The following CAPN15 variants were observed in gnomAD, a reference collection of about 807,000 sequenced individuals.
CAPN15 encodes the protein calpain 15, also known as calpain-15.
Under a neutral mutation model 97.9 loss-of-function variants are expected in CAPN15, and 53 were observed. The observed-to-expected ratio is 0.54, with a 90% CI of 0.43 to 0.68. CAPN15 has a LOEUF of 0.68. Among genes scored for constraint, CAPN15 ranks in the 30% least tolerant of loss-of-function variants. The probability of loss-of-function intolerance (pLI) is 0.00; values close to 1 mark genes in which losing one functional copy is unlikely to be tolerated. For synonymous variants in CAPN15, 922 were observed against 722.5 expected, an observed-to-expected ratio of 1.28 and a Z score of -4.43; for missense variants, 1,592 against 1,589.8, an observed-to-expected ratio of 1.00 and a Z score of -0.02.
In CAPN15 at chr16:551,832, T is replaced by C. The variant is rs570129489; in HGVS notation, c.2345+168T>C. 1.7e-4 allele frequency: 170 copies of C among 1,024,254 alleles called. No individual in the cohort carries two copies. In the African/African-American group the frequency reaches 2.1e-3, roughly 13 times the overall value. The allele number at this position is 1,024,254 out of a possible 1,614,324, so 63.4% of individuals were successfully genotyped here. A position where few individuals can be genotyped will look rare whatever the true frequency, so the allele number is the denominator to read the frequency against. On this transcript the variant is annotated intron_variant, in intron 9 of 13. Coordinates refer to ENST00000219611, the MANE Select transcript of CAPN15 (RefSeq NM_005632.3). ...CAAGGTGCCAACCTCAGAATTCAGG[T>C]CCACCCAGGTCAGCAGATTCCAGCG...
chr16:545,840 G>A (rs2034546176), intron 3 of CAPN15, among the ~76,000 whole-genome samples: 1 of 152,218 alleles, frequency 6.6e-6, no homozygotes, highest in African/African-American at 2.4e-5. Context: ...ACCCACAGGG[G>A]CCCAGGCCGG....
chr16:549,917 G>A lies in CAPN15; in HGVS notation c.2066+79G>A, dbSNP rs183167644. The A allele has an allele frequency of 1.9e-4, 231 of 1,220,980 alleles. 2 individuals are homozygous for A. The East Asian group carries it at 5.1e-3, about 27-fold the overall frequency. The allele number at this position is 1,220,980 out of a possible 1,614,324, so 75.6% of individuals were successfully genotyped here. ...AGCGGTGGGAGATGTGGGGCTGGTGGCCCCTGACCCAGTTCTGCTTCCACG... is the reference window on the plus strand; with the variant it reads ...AGCGGTGGGAGATGTGGGGCTGGTGACCCCTGACCCAGTTCTGCTTCCACG... On this transcript the variant is annotated intron_variant, in intron 7 of 13. Transcript: ENST00000219611.
At chr16:549,235 TGGGCGGG>T in intron 5 of CAPN15, 34 bp downstream of exon 5, 1 of 53,106 alleles carries the variant, frequency 1.9e-5, no homozygotes, top group South Asian at 1.5e-4. Context: ...GTGGGGCGGG[TGGGCGGG>T]CGACCGGCCG....
At chr16:542,916 T>C (rs913024122) in intron 3 of CAPN15, among the ~76,000 whole-genome samples, 28 of 152,152 alleles carry the variant, frequency 1.8e-4, no homozygotes, top group Non-Finnish European at 3.2e-4. Context: ...CTGGGCGTGG[T>C]GACGGGCACC....
chr16:552,182 T>C lies in CAPN15; in HGVS notation c.2477T>C (p.Leu826Pro), dbSNP rs1467668489. The stretch of plus-strand genomic sequence containing the variant: ...CTCACGGTGCTGGAGCGGGCCTCGC[T>C]GGAGTTCGCGCTCTTCCAGGAGGGC... ...TALTVLERAS[L>P]EFALFQEGSR... The change falls in exon 10 of 14, where the codon CTG (leucine) becomes CCG (proline). Residue 826 changes from leucine (L) to proline (P), a missense_variant. By Grantham distance (98) the Leu-to-Pro change is moderately conservative. Coordinates refer to ENST00000219611, the MANE Select transcript of CAPN15 (RefSeq NM_005632.3). This position sits in a 1 kb window ranked among gnomAD's most constrained non-coding sequence, Gnocchi z 6.4. The C allele has an allele frequency of 3.9e-6, 6 of 1,538,268 alleles. No individual in the cohort carries two copies. Among genetic ancestry groups the C allele is most frequent in the Non-Finnish European group, 5.3e-6 (6 of 1,140,376 alleles).
At chr16:533,003 C>T (rs2033384416) in intron 1 of CAPN15, among the ~76,000 whole-genome samples, 1 of 152,106 alleles carries the variant, frequency 6.6e-6, no homozygotes, top group Non-Finnish European at 1.5e-5. Context: ...GGTGGATCAC[C>T]TGAGGTCTGG....
chr16:549,827 T>C lies in CAPN15; in HGVS notation c.2055T>C (p.Ser685=). 1 of 1,580,876 alleles carries C rather than the reference T, an allele frequency of 6.3e-7. No homozygotes were observed. ...TDLIWAKMLS[S]KEAGFLMGAS... The stretch of plus-strand genomic sequence containing the variant: ...TCATCTGGGCCAAAATGCTGAGTTC[T>C]AAGGAGGCTGGGTAAGAGGAGGGGC... Residue 685 remains serine, a synonymous_variant, in exon 7 of 14, where the codon TCT becomes TCC. Transcript: ENST00000219611.
Position 549,596 on chromosome 16 carries a change from C to T in CAPN15, c.1843-19C>T, listed in dbSNP as rs1015688187. 6.6e-7 allele frequency: 1 copy of T among 1,526,504 alleles called. No homozygotes were observed. Among genetic ancestry groups the T allele is most frequent in the African/African-American group, 1.4e-5 (1 of 72,856 alleles). 94.6% of individuals were successfully genotyped at this position (1,526,504 alleles called of 1,614,324 possible). A position where few individuals can be genotyped will look rare whatever the true frequency, so the allele number is the denominator to read the frequency against. On this transcript the variant is annotated intron_variant, in intron 6 of 13. Coordinates refer to ENST00000219611, the MANE Select transcript of CAPN15 (RefSeq NM_005632.3). ...TGTGGGGGGCGGGCGGGGGTGGCCT[C>T]TGACCCGGCCCTCTGCAGGCGCAGC...
intron 3 of CAPN15, chr16:537,056 G>A: frequency 1.2e-6 from 1 of 802,614 alleles, no homozygotes; most frequent in East Asian, 1.3e-4. Context: ...CCTGGCGTGT[G>A]CTGGAAAAAC....
chr16:532,294 G>A (rs1447871551), intron 1 of CAPN15, among the ~76,000 whole-genome samples: 1 of 150,954 alleles, frequency 6.6e-6, no homozygotes, highest in Non-Finnish European at 1.5e-5. Context: ...TGGCTCATGC[G>A]TGTAATCCTA....
intron 1 of CAPN15, among the ~76,000 whole-genome samples, chr16:533,441 C>T (rs1370630114): frequency 1.3e-5 from 2 of 152,164 alleles, no homozygotes; most frequent in Non-Finnish European, 1.5e-5. Context: ...GGCCGGGTGG[C>T]ACTCGGGCTG....
Position 553,483 on chromosome 16 carries a change from G to C in CAPN15, c.3228G>C (p.Glu1076Asp). ...CCCACAGCCCCCCACTCACGCCAGA[G>C]GTCGCCGGTCTGCATGGGCCCCGAC... Reference protein sequence around the residue: ...KGTHSPPLTPEVAGLHGPRPL With the variant: ...KGTHSPPLTPDVAGLHGPRPL Residue 1076 changes from glutamate (E) to aspartate (D), a missense_variant, in exon 14 of 14, where the codon GAG becomes GAC. Transcript: ENST00000219611. The C allele has an allele frequency of 6.2e-7, 1 of 1,610,332 alleles. No homozygotes were observed. Among genetic ancestry groups the C allele is most frequent in the Non-Finnish European group, 8.5e-7 (1 of 1,178,790 alleles).
rs572521156 is a variant in CAPN15 at position 535,542 on chromosome 16, G to A, written c.-136-487G>A. Among the ~76,000 whole-genome samples the A allele has an allele frequency of 2.6e-5, 4 of 152,292 alleles. No homozygotes were observed. In the South Asian group the frequency reaches 6.2e-4, roughly 24 times the overall value. ...TCTCTGAGGCTGGATCTAGGCCACC[G>A]CCCCGTTTAAAACTAGGGCATCGGC... On this transcript the variant is annotated intron_variant, in intron 2 of 13. Coordinates refer to ENST00000219611, the MANE Select transcript of CAPN15 (RefSeq NM_005632.3). This position sits in a 1 kb window ranked among gnomAD's most constrained non-coding sequence, Gnocchi z 6.2.
At chr16:553,262 CCCCTGT>C in intron 13 of CAPN15, 71 bp from the exon 14 acceptor site, 2 of 1,045,856 alleles carry the variant, frequency 1.9e-6, no homozygotes, top group East Asian at 4.9e-5. Flanking sequence ...CCTGCTCCTG[CCCCTGT>C]ACAGGTGGGC....
At chr16:530,324 G>C (rs771430162) in intron 1 of CAPN15, among the ~76,000 whole-genome samples, 1 of 152,212 alleles carries the variant, frequency 6.6e-6, no homozygotes, top group South Asian at 2.1e-4. Context: ...CTATGCAGCC[G>C]TGCGCAGAGC....
Position 547,788 on chromosome 16 carries a change from C to G in CAPN15, c.950C>G (p.Ser317Trp). 6.2e-7 allele frequency: 1 copy of G among 1,611,698 alleles called. No homozygotes were observed. The highest frequency in any genetic ancestry group is 8.5e-7 in the Non-Finnish European group (1 of 1,179,472). ...CGCGTAGAGGCCGGCAGCTCCACCT[C>G]GGGCAGTGACATCATTGACCTGGCC... ...TSRVEAGSSTSGSDIIDLAGD... is the reference protein window; with the variant it reads ...TSRVEAGSSTWGSDIIDLAGD... Residue 317 changes from serine to tryptophan, a missense_variant, in exon 4 of 14, where the codon TCG (serine) becomes TGG (tryptophan). This residue lies in a region of CAPN15 where 883 missense variants were observed against 776.6 expected (regional missense o/e 1.14). Transcript: ENST00000219611.
rs555400870 is a variant in CAPN15, at chr16:552,678, G to C, written c.2811G>C (p.Ser937=). Residue 937 remains serine (S), a synonymous_variant, in exon 12 of 14, where the codon TCG becomes TCC. Coordinates refer to ENST00000219611, the MANE Select transcript of CAPN15 (RefSeq NM_005632.3). The surrounding 1 kb of genome is among the most constrained non-coding windows in gnomAD (Gnocchi z 6.4). ...PPGHVLAVYS[S]RLVMVEPVEA... ...GCCACGTGCTGGCTGTGTACAGCTC[G>C]AGGCTGGTCATGGTGGAGCCCGTGG... 9.7e-6 allele frequency: 15 copies of C among 1,544,206 alleles called. No homozygotes were observed. Among genetic ancestry groups the C allele is most frequent in the South Asian group, 4.8e-5 (4 of 84,024 alleles).
In CAPN15 at chr16:535,081, C is replaced by A. The variant is rs1018838587; in HGVS notation, c.-136-948C>A. On this transcript the variant is annotated intron_variant, in intron 2 of 13. Transcript: ENST00000219611. The surrounding 1 kb of genome is among the most constrained non-coding windows in gnomAD (Gnocchi z 6.2). ...AAGGCTGGGGGTCGCTGTGCCAGCC[C>A]TGCTCCCATGTGGGCTCCCAGCTCC... is the stretch of plus-strand genomic sequence containing the variant. Among the ~76,000 whole-genome samples the A allele has an allele frequency of 1.2e-4, 19 of 152,164 alleles. No homozygotes were observed. The highest frequency in any genetic ancestry group is 4.6e-4 in the African/African-American group (19 of 41,422).
intron 1 of CAPN15, among the ~76,000 whole-genome samples, chr16:530,575 C>T (rs2033179143): frequency 6.6e-6 from 1 of 152,166 alleles, no homozygotes. Context: ...TGGACCTAGA[C>T]CCGTTCAGCC....
Sources: allele counts gnomAD v4.1 joint callset (sites outside exome capture counted in the v4.1 genomes callset), GRCh38; gene constraint gnomAD v4.1.1; regional missense constraint gnomAD v4.1.1; non-coding constraint Gnocchi (gnomAD v3.1); transcripts MANE v1.5; gene names NCBI Gene and HGNC (gene_info 2026-07-23, HGNC 2026-07-21).